Variants in TEX264 observed in about 807,000 individuals in gnomAD.
TEX264 encodes testis expressed 264, ER-phagy receptor.
A neutral mutation model predicts 23.4 loss-of-function variants in TEX264; 13 were observed. The observed-to-expected ratio is 0.56, with a 90% CI of 0.36 to 0.88. The LOEUF (loss-of-function observed/expected upper bound fraction) is 0.88. TEX264 is among the 40% of genes least tolerant of loss of function. The pLI is 0.01. For missense variants in TEX264, 340 were observed against 406.8 expected (o/e 0.84, Z 1.41); for synonymous variants, 159 against 170.0 (o/e 0.94, Z 0.50).
chr3:51,703,410 G>C lies in TEX264; in HGVS notation c.650-314G>C, dbSNP rs1021333111. ...GGGCTGAGTGGCCCTTAATAAATGT[G>C]GGGGGAGGGCAGCAGGCTTTGTGGA... On this transcript the variant is annotated intron_variant, in intron 4 of 4. Transcript: ENST00000341333. The surrounding 1 kb of genome is among the most constrained non-coding windows in gnomAD (Gnocchi z 4.8). Among the ~76,000 whole-genome samples the C allele has an allele frequency of 6.6e-6, 1 of 152,106 alleles. No individual in the cohort carries two copies. The highest frequency in any genetic ancestry group is 6.5e-5 in the Admixed American group (1 of 15,280).
intron 2 of TEX264, among the ~76,000 whole-genome samples, chr3:51,678,638 T>C (rs2106917505): frequency 6.6e-6 from 1 of 152,298 alleles, no homozygotes; most frequent in East Asian, 1.9e-4. Context: ...AAGACTGCCA[T>C]TGAAGCCCCC....
At chr3:51,685,050 C>T (rs977718399) in intron 3 of TEX264, among the ~76,000 whole-genome samples, 2 of 152,172 alleles carry the variant, frequency 1.3e-5, no homozygotes, top group African/African-American at 2.4e-5. Context: ...ATGTATTGCC[C>T]GTGGCCCTGC....
At chr3:51,677,974 C>T (rs1559671332) in intron 2 of TEX264, among the ~76,000 whole-genome samples, 1 of 152,142 alleles carries the variant, frequency 6.6e-6, no homozygotes, top group Non-Finnish European at 1.5e-5. Context: ...ACTCACCCAC[C>T]TCAGAGCCCA....
At chr3:51,684,131 G>A (rs1023310686) in intron 2 of TEX264, 4 of 449,988 alleles carry the variant, frequency 8.9e-6, no homozygotes, top group African/African-American at 7.9e-5. Flanking sequence ...CTCCAGAAGG[G>A]CAGAGACCAA....
chr3:51,687,718 C>T (rs1702675450), intron 3 of TEX264, among the ~76,000 whole-genome samples: 1 of 152,038 alleles, frequency 6.6e-6, no homozygotes, highest in African/African-American at 2.4e-5. Flanking sequence ...TCTCCAGAGG[C>T]TAGGTGAGGG....
At position 51,685,998 on chromosome 3, in the gene TEX264, T is replaced by G. The variant is rs563304226; in HGVS notation, c.480+1364T>G. 3.3e-5 allele frequency among the ~76,000 whole-genome samples: 5 copies of G among 152,242 alleles called. No individual in the cohort carries two copies. The South Asian group carries it at 1.0e-3, about 32-fold the overall frequency. ...AGGTGGGCAAGTATGTAGTGATGCT[T>G]TCACTGACATGTGGGGAACTGAGGG... On this transcript the variant is annotated intron_variant, in intron 3 of 4. Coordinates refer to ENST00000341333, the MANE Select transcript of TEX264 (RefSeq NM_015926.6).
At chr3:51,700,579 C>T (rs1703255257) in intron 4 of TEX264, among the ~76,000 whole-genome samples, 1 of 152,080 alleles carries the variant, frequency 6.6e-6, no homozygotes, top group South Asian at 2.1e-4. Flanking sequence ...GGGCACAGGA[C>T]ATGGCACAAG....
In TEX264 at chr3:51,703,807, C is replaced by G. The variant is rs752658008; in HGVS notation, c.733C>G (p.Pro245Ala). 7 of 1,611,962 alleles carry G rather than the reference C, an allele frequency of 4.3e-6. No homozygotes were observed. The highest frequency in any genetic ancestry group is 1.6e-4 in the Middle Eastern group (1 of 6,068). Residue 245 changes from proline (P) to alanine (A), a missense_variant, in exon 5 of 5, where the codon CCT becomes GCT. By Grantham distance (27) the Pro-to-Ala change is conservative. Transcript: ENST00000341333. This position sits in a 1 kb window ranked among gnomAD's most constrained non-coding sequence, Gnocchi z 4.8. ...SRETSAATLSPGASSRGWDDG... is the reference protein window; with the variant it reads ...SRETSAATLSAGASSRGWDDG... ...GGAGACTTCAGCTGCCACACTGTCA[C>G]CTGGGGCGAGCAGCCGTGGCTGGGA...
At chr3:51,688,965 A>G (rs1702726716) in intron 3 of TEX264, among the ~76,000 whole-genome samples, 1 of 151,360 alleles carries the variant, frequency 6.6e-6, no homozygotes, top group South Asian at 2.1e-4. Flanking sequence ...CTGCCTCTAA[A>G]AAAAACAGAA....
rs1216619529 is a variant in TEX264, at chr3:51,674,335, G to C, written c.31G>C (p.Gly11Arg). The C allele has an allele frequency of 6.2e-7, 1 of 1,614,098 alleles. No homozygotes were observed. Among genetic ancestry groups the C allele is most frequent in the African/African-American group, 1.3e-5 (1 of 74,934 alleles). Reference sequence around the variant, plus strand: ...GGACCTGCTACTACTGGGCCTGATTGGGGGCCTGACTCTCTTACTGCTGCT... The same window carrying C: ...GGACCTGCTACTACTGGGCCTGATTCGGGGCCTGACTCTCTTACTGCTGCT... MSDLLLLGLIGGLTLLLLLTL... is the reference protein window; with the variant it reads MSDLLLLGLIRGLTLLLLLTL... The change falls in exon 2 of 5, where the codon GGG (glycine) becomes CGG (arginine). Residue 11 changes from glycine to arginine, a missense_variant. Coordinates refer to ENST00000341333, the MANE Select transcript of TEX264 (RefSeq NM_015926.6).
At chr3:51,673,047 T>C (rs1175423426) in intron 1 of TEX264, among the ~76,000 whole-genome samples, 1 of 152,180 alleles carries the variant, frequency 6.6e-6, no homozygotes, top group African/African-American at 2.4e-5. Context: ...TGTGAGCAAA[T>C]ACTGTGTGCT....
chr3:51,698,581 C>G (rs1028814194), intron 3 of TEX264, among the ~76,000 whole-genome samples: 1 of 152,120 alleles, frequency 6.6e-6, no homozygotes, highest in Non-Finnish European at 1.5e-5. Flanking sequence ...ATGGGGAGCA[C>G]TGGATTCTGT....
rs1484315220 is a variant in TEX264, at chr3:51,704,017, C to T, written c.*1C>T. On this transcript the variant is annotated 3_prime_UTR_variant, in exon 5 of 5. Transcript: ENST00000341333. Reference sequence around the variant, plus strand: ...TGCCCCTGAGAAGGGCAAGGAGTAACCCATGGCCTGCACCCTCCTGCAGTG... The same window carrying T: ...TGCCCCTGAGAAGGGCAAGGAGTAATCCATGGCCTGCACCCTCCTGCAGTG... The T allele has an allele frequency of 6.6e-7, 1 of 1,509,948 alleles. No homozygotes were observed. The allele number at this position is 1,509,948 out of a possible 1,614,324, so 93.5% of individuals were successfully genotyped here. A position where few individuals can be genotyped will look rare whatever the true frequency, so the allele number is the denominator to read the frequency against.
chr3:51,684,936 C>T (rs1702562216), intron 3 of TEX264, among the ~76,000 whole-genome samples: 1 of 152,264 alleles, frequency 6.6e-6, no homozygotes, highest in Non-Finnish European at 1.5e-5. Flanking sequence ...TTATCCCACA[C>T]TCCTGGCTCA....
Position 51,704,090 on chromosome 3 carries a change from C to A in TEX264, c.*74C>A. 1 of 1,268,842 alleles carries A rather than the reference C, an allele frequency of 7.9e-7. No individual in the cohort carries two copies. The highest frequency in any genetic ancestry group is 1.0e-6 in the Non-Finnish European group (1 of 991,420). The allele number at this position is 1,268,842 out of a possible 1,614,324, so 78.6% of individuals were successfully genotyped here. A position where few individuals can be genotyped will look rare whatever the true frequency, so the allele number is the denominator to read the frequency against. On this transcript the variant is annotated 3_prime_UTR_variant, in exon 5 of 5. Transcript: ENST00000341333. ...ACTCTCCAGCAGACTCTCCAGCCCT[C>A]TTCCTCCTTCCTCTGGGGGAGGAGG...
intron 3 of TEX264, among the ~76,000 whole-genome samples, chr3:51,685,980 CA>C (rs1324391092): frequency 2.0e-5 from 3 of 152,168 alleles, no homozygotes; most frequent in Admixed American, 1.3e-4. Context: ...GGCAGGTGGG[CA>C]AGTATGTAGT....
At chr3:51,676,826 C>T (rs1362680814) in intron 2 of TEX264, among the ~76,000 whole-genome samples, 1 of 152,208 alleles carries the variant, frequency 6.6e-6, no homozygotes, top group Admixed American at 6.5e-5. Flanking sequence ...AACCTAGACC[C>T]TTGGCCTGGC....
intron 4 of TEX264, among the ~76,000 whole-genome samples, chr3:51,702,860 G>T (rs1410407739): frequency 6.6e-6 from 1 of 152,218 alleles, no homozygotes; most frequent in Non-Finnish European, 1.5e-5. Context: ...TGTATTGGGG[G>T]TGGAAGGAGC....
rs997875455 is a variant in TEX264 at position 51,691,519 on chromosome 3, G to A, written c.480+6885G>A. 1.3e-5 allele frequency among the ~76,000 whole-genome samples: 2 copies of A among 152,226 alleles called. No individual in the cohort carries two copies. The highest frequency in any genetic ancestry group is 2.9e-5 in the Non-Finnish European group (2 of 68,040). On this transcript the variant is annotated intron_variant, in intron 3 of 4. Coordinates refer to ENST00000341333, the MANE Select transcript of TEX264 (RefSeq NM_015926.6). The surrounding 1 kb of genome is among the most constrained non-coding windows in gnomAD (Gnocchi z 4.4). ...GGGAAAGGCAAAACAACCCTTGTGCGGTGGTGGCATTTGGGCTGCACCTAT... is the reference window on the plus strand; with the variant it reads ...GGGAAAGGCAAAACAACCCTTGTGCAGTGGTGGCATTTGGGCTGCACCTAT...
Sources: gnomAD v4.1 joint callset for allele counts (sites outside exome capture counted in the v4.1 genomes callset) on GRCh38, gnomAD v4.1.1 for gene constraint, Gnocchi (gnomAD v3.1) non-coding constraint, MANE v1.5 for transcripts, NCBI Gene and HGNC (gene_info 2026-07-23, HGNC 2026-07-21) for gene names.